The following ORC4 variants were observed in gnomAD, a reference collection of about 807,000 sequenced individuals.
The protein encoded by ORC4 is origin recognition complex subunit 4, also known as origin recognition complex, subunit 4 homolog.
A neutral mutation model predicts 63.9 loss-of-function variants in ORC4; 55 were observed. That is an observed-to-expected ratio of 0.86 (90% CI 0.69 to 1.08). The LOEUF is 1.08. ORC4 is among the 50% of genes least tolerant of loss of function. The pLI is 0.00. For synonymous variants in ORC4, 150 were observed against 168.5 expected, an observed-to-expected ratio of 0.89 and a Z score of 0.85; for missense variants, 511 against 504.4, an observed-to-expected ratio of 1.01 and a Z score of -0.13.
At chr2:148,013,213 G>A (rs934079646) in intron 1 of ORC4, among the ~76,000 whole-genome samples, 1 of 152,016 alleles carries the variant, frequency 6.6e-6, no homozygotes, top group Non-Finnish European at 1.5e-5. Context: ...ATAAAGAAAT[G>A]TGGTACATAT....
At chr2:147,971,266 A>G (rs918989168) in intron 4 of ORC4, among the ~76,000 whole-genome samples, 18 of 151,928 alleles carry the variant, frequency 1.2e-4, no homozygotes, top group African/African-American at 3.9e-4. Flanking sequence ...CTGCTCTGCC[A>G]AAGACAATGT....
chr2:148,004,621 T>C (rs1398084129), intron 1 of ORC4, among the ~76,000 whole-genome samples: 3 of 152,078 alleles, frequency 2.0e-5, no homozygotes, highest in Admixed American at 2.0e-4. Flanking sequence ...AAAAATGGAT[T>C]AAAGACTAAA....
chr2:147,956,210 G>T (rs1384067285), intron 6 of ORC4, among the ~76,000 whole-genome samples: 2 of 152,018 alleles, frequency 1.3e-5, no homozygotes, highest in East Asian at 3.8e-4. Context: ...CCAGTTGAGA[G>T]ATCTAACATA....
At position 147,931,870 on chromosome 2, in the gene ORC4, G is replaced by A. The variant is rs1263920160; in HGVS notation, c.*3640C>T. ...ATATCATACTGAATGGGCAAAAACT[G>A]GAAGCATTCCCTTTGAAAACTGGCA... On this transcript the variant is annotated 3_prime_UTR_variant, in exon 14 of 14. Coordinates refer to ENST00000392857, the MANE Select transcript of ORC4 (RefSeq NM_181741.4). The A allele has an allele frequency of 6.6e-6, 1 of 151,510 alleles. No homozygotes were observed. The highest frequency in any genetic ancestry group is 1.5e-5 in the Non-Finnish European group (1 of 67,864). 9.4% of individuals were successfully genotyped at this position (151,510 alleles called of 1,614,324 possible).
chr2:147,953,655 C>G (rs1336199591), intron 7 of ORC4, among the ~76,000 whole-genome samples: 17 of 152,166 alleles, frequency 1.1e-4, no homozygotes, highest in Non-Finnish European at 2.9e-5. Context: ...TGAAGCACAA[C>G]TTTTAGCATT....
At chr2:148,005,134 T>C (rs568629284) in intron 1 of ORC4, among the ~76,000 whole-genome samples, 26 of 152,286 alleles carry the variant, frequency 1.7e-4, no homozygotes, top group African/African-American at 5.8e-4. Flanking sequence ...CTGTTCACAA[T>C]AGCAAAGACT....
Position 147,937,972 on chromosome 2 carries a change from G to A in ORC4, c.1122+174C>T, listed in dbSNP as rs17232029. ...TATACCTCCACAAACTAAAACAACC[G>A]GTCACTTCCTCAGATTTTTCCAAAA... On this transcript the variant is annotated intron_variant, in intron 13 of 13. Coordinates refer to ENST00000392857, the MANE Select transcript of ORC4 (RefSeq NM_181741.4). 4.0e-3 allele frequency: 2,508 copies of A among 633,012 alleles called. 5 individuals carry two copies. The highest frequency in any genetic ancestry group is 0.01 in the East Asian group (366 of 36,370). The allele number at this position is 633,012 out of a possible 1,614,324, so 39.2% of individuals were successfully genotyped here.
rs1398125125 is a variant in ORC4, at chr2:147,932,571, A to G, written c.*2939T>C. On this transcript the variant is annotated 3_prime_UTR_variant, in exon 14 of 14. Coordinates refer to ENST00000392857, the MANE Select transcript of ORC4 (RefSeq NM_181741.4). The stretch of plus-strand genomic sequence containing the variant: ...TTACAGTGAGGCTTACACCTTGACA[A>G]CTGCAAGAATGAGGATAGTGGTGAG... 6.6e-6 allele frequency: 1 copy of G among 152,178 alleles called. No homozygotes were observed. Among genetic ancestry groups the G allele is most frequent in the Non-Finnish European group, 1.5e-5 (1 of 68,030 alleles). The allele number at this position is 152,178 out of a possible 1,614,324, so 9.4% of individuals were successfully genotyped here.
intron 2 of ORC4, among the ~76,000 whole-genome samples, chr2:147,974,249 T>C (rs373243924): frequency 3.3e-5 from 5 of 152,186 alleles, no homozygotes; most frequent in East Asian, 1.9e-4. Context: ...GTCTATTATA[T>C]GAATTTTAAA....
chr2:147,936,853 T>A (rs1055987322), intron 13 of ORC4: 4 of 151,896 alleles, frequency 2.6e-5, no homozygotes, highest in Non-Finnish European at 5.9e-5. Context: ...ACACTGTCTC[T>A]ACTAAGAATA....
At chr2:147,950,714 G>A (rs1196816321) in intron 8 of ORC4, among the ~76,000 whole-genome samples, 4 of 145,258 alleles carry the variant, frequency 2.8e-5, no homozygotes, top group East Asian at 2.0e-4. Context: ...GCAGTGAGCC[G>A]AGATTATGCC....
intron 1 of ORC4, among the ~76,000 whole-genome samples, chr2:148,010,225 T>C (rs527977551): frequency 6.6e-6 from 1 of 151,944 alleles, no homozygotes; most frequent in African/African-American, 2.4e-5. Flanking sequence ...TAGCAATAAA[T>C]GTGCAAATCA....
intron 1 of ORC4, among the ~76,000 whole-genome samples, chr2:147,993,288 T>C (rs1251151923): frequency 2.6e-5 from 4 of 152,088 alleles, no homozygotes; most frequent in African/African-American, 7.2e-5. Context: ...GAAAGGGAAG[T>C]TTTTTCTTGG....
intron 4 of ORC4, among the ~76,000 whole-genome samples, chr2:147,966,273 T>A: frequency 6.6e-6 from 1 of 151,132 alleles, no homozygotes. Flanking sequence ...ACTAGAAAAA[T>A]TTCAAATAAA....
chr2:147,969,309 T>C (rs561438256), intron 4 of ORC4, among the ~76,000 whole-genome samples: 9 of 152,116 alleles, frequency 5.9e-5, no homozygotes, highest in Non-Finnish European at 1.0e-4. Flanking sequence ...CATAAATAAA[T>C]GATAAATGTT....
Position 147,935,377 on chromosome 2 carries a change from C to G in ORC4, c.*133G>C, listed in dbSNP as rs1048498672. 2.8e-6 allele frequency: 2 copies of G among 709,444 alleles called. No homozygotes were observed. The highest frequency in any genetic ancestry group is 6.8e-4 in the Middle Eastern group (2 of 2,930). 43.9% of individuals were successfully genotyped at this position (709,444 alleles called of 1,614,324 possible). A position where few individuals can be genotyped will look rare whatever the true frequency, so the allele number is the denominator to read the frequency against. ...ATTAAAAGGCAAGACACAGCCAAGA[C>G]AGTAGATGGGCAAGTCTCACATAAA... On this transcript the variant is annotated 3_prime_UTR_variant, in exon 14 of 14. Transcript: ENST00000392857.
intron 4 of ORC4, among the ~76,000 whole-genome samples, chr2:147,965,349 A>T (rs1456067266): frequency 2.7e-5 from 4 of 147,114 alleles, no homozygotes; most frequent in African/African-American, 1.0e-4. Context: ...CAGAACAGAT[A>T]AAAAAAAAAA....
At chr2:147,963,271 G>A (rs1689708785) in intron 4 of ORC4, among the ~76,000 whole-genome samples, 1 of 152,168 alleles carries the variant, frequency 6.6e-6, no homozygotes, top group Non-Finnish European at 1.5e-5. Flanking sequence ...GCCTCTGGCA[G>A]ACACTCTTTT....
chr2:147,938,457 C>A, intron 11 of ORC4, 64 bp from the exon 12 acceptor site: 1 of 916,820 alleles, frequency 1.1e-6, no homozygotes, highest in South Asian at 1.3e-5. Context: ...AACTGTTCTC[C>A]AAAGAATACA....
Sources: gnomAD v4.1 joint callset for allele counts (sites outside exome capture counted in the v4.1 genomes callset) on GRCh38, gnomAD v4.1.1 for gene constraint, MANE v1.5 for transcripts, NCBI Gene and HGNC (gene_info 2026-07-23, HGNC 2026-07-21) for gene names.